Variants in DSCAM observed in about 807,000 individuals in gnomAD.
DSCAM encodes DS cell adhesion molecule.
In DSCAM, 47 loss-of-function variants were observed where a neutral mutation model predicts 217.7. The ratio of observed to expected loss-of-function variants is 0.22; its 90% CI spans 0.17 to 0.28. DSCAM has a LOEUF of 0.28. Ranked by LOEUF, DSCAM falls within the 10% of genes least tolerant of loss-of-function variation. DSCAM has a pLI of 1.00. For missense variants in DSCAM, 2,080 were observed against 2,618.3 expected, an observed-to-expected ratio of 0.79 and a Z score of 4.49; for synonymous variants, 1,056 against 1,015.3, an observed-to-expected ratio of 1.04 and a Z score of -0.76.
chr21:40,484,677 T>C (rs2076010183), intron 3 of DSCAM, among the ~76,000 whole-genome samples: 1 of 152,202 alleles, frequency 6.6e-6, no homozygotes, highest in Non-Finnish European at 1.5e-5. Context: ...GAAGCTGCTG[T>C]TCTTTCTCCA....
intron 11 of DSCAM, among the ~76,000 whole-genome samples, chr21:40,192,315 A>G (rs560941983): frequency 4.2e-4 from 64 of 152,156 alleles, no homozygotes; most frequent in African/African-American, 1.5e-3. Context: ...CGTCTCCCAT[A>G]GTGTCATGGG....
chr21:40,143,557 C>G (rs1204884196), intron 17 of DSCAM, among the ~76,000 whole-genome samples: 1 of 152,108 alleles, frequency 6.6e-6, no homozygotes, highest in Non-Finnish European at 1.5e-5. Context: ...TTTTGGAGGC[C>G]GAGGCGGGCA....
intron 3 of DSCAM, among the ~76,000 whole-genome samples, chr21:40,408,703 C>T (rs1490023034): frequency 6.6e-6 from 1 of 152,134 alleles, no homozygotes; most frequent in Admixed American, 6.5e-5. Context: ...TTCCCCGAGC[C>T]CACTCATTCC....
intron 1 of DSCAM, among the ~76,000 whole-genome samples, chr21:40,811,959 G>A (rs755560861): frequency 1.3e-5 from 2 of 152,130 alleles, no homozygotes. Flanking sequence ...AGGCATCCTT[G>A]CTTCAGCAAA....
At chr21:40,650,851 T>C (rs568637211) in intron 3 of DSCAM, among the ~76,000 whole-genome samples, 1 of 152,022 alleles carries the variant, frequency 6.6e-6, no homozygotes, top group East Asian at 1.9e-4. Flanking sequence ...GAGGCGGAGG[T>C]TGCAGAGAGC....
At chr21:40,275,415 G>C (rs1189716912) in intron 11 of DSCAM, among the ~76,000 whole-genome samples, 1 of 152,050 alleles carries the variant, frequency 6.6e-6, no homozygotes, top group African/African-American at 2.4e-5. Context: ...CCATAAATGG[G>C]CATAAGCCAT....
chr21:40,434,650 G>T (rs997547551), intron 3 of DSCAM, among the ~76,000 whole-genome samples: 3 of 152,166 alleles, frequency 2.0e-5, no homozygotes, highest in Admixed American at 1.3e-4. Context: ...TAATGCAGCA[G>T]CACCTCAATT....
At chr21:40,485,455 G>A (rs1457733624) in intron 3 of DSCAM, among the ~76,000 whole-genome samples, 1 of 151,256 alleles carries the variant, frequency 6.6e-6, no homozygotes, top group Non-Finnish European at 1.5e-5. Flanking sequence ...TGTTAGCCAG[G>A]ATGGTCTCCA....
intron 15 of DSCAM, among the ~76,000 whole-genome samples, chr21:40,172,334 G>A (rs148293994): frequency 1.3e-5 from 2 of 152,342 alleles, no homozygotes; most frequent in East Asian, 3.9e-4. Flanking sequence ...TCTTCGATCT[G>A]TAAAGCAGTA....
chr21:40,117,001 C>CAAAAAAAAAA (rs534100380), intron 20 of DSCAM, among the ~76,000 whole-genome samples: 28 of 33,178 alleles, frequency 8.4e-4, no homozygotes, highest in African/African-American at 2.9e-3. Context: ...GACTCTGTCT[C>CAAAAAAAAAA]AAAAAAAAAA....
intron 3 of DSCAM, among the ~76,000 whole-genome samples, chr21:40,482,418 G>A (rs1277720516): frequency 6.6e-6 from 1 of 152,080 alleles, no homozygotes; most frequent in Admixed American, 6.5e-5. Flanking sequence ...ATTTCACACT[G>A]TTCTTTGCTC....
Position 40,013,232 on chromosome 21 carries a change from C to G in DSCAM, c.5841G>C (p.Pro1947=). The part of the protein sequence containing the change: ...LKRPTVLEPI[P]MEAASSASST... ...AGGAGGCGGAGGAGGCGGCTTCCAT[C>G]GGGATGGGCTCCAGGACCGTGGGGC... Residue 1947 remains proline, a synonymous_variant, in exon 33 of 33, where the codon CCG becomes CCC. Transcript: ENST00000400454. 1 of 1,613,842 alleles carries G rather than the reference C, an allele frequency of 6.2e-7. No individual in the cohort carries two copies. The highest frequency in any genetic ancestry group is 8.5e-7 in the Non-Finnish European group (1 of 1,179,900).
At chr21:40,215,894 C>A (rs1380607087) in intron 11 of DSCAM, among the ~76,000 whole-genome samples, 1 of 150,040 alleles carries the variant, frequency 6.7e-6, no homozygotes, top group Non-Finnish European at 1.5e-5. Flanking sequence ...GCCATTTTGT[C>A]TACATTCTGT....
At chr21:40,617,360 G>A (rs1434521988) in intron 3 of DSCAM, among the ~76,000 whole-genome samples, 3 of 151,958 alleles carry the variant, frequency 2.0e-5, no homozygotes, top group East Asian at 3.9e-4. Context: ...TCCTGACCTC[G>A]TGATCCACCC....
chr21:40,331,056 C>T (rs1382424055), intron 8 of DSCAM, among the ~76,000 whole-genome samples: 1 of 152,136 alleles, frequency 6.6e-6, no homozygotes, highest in Non-Finnish European at 1.5e-5. Context: ...CATTGCTCCA[C>T]TTTAATGAGG....
At chr21:40,471,170 G>A (rs775260858) in intron 3 of DSCAM, among the ~76,000 whole-genome samples, 1 of 152,172 alleles carries the variant, frequency 6.6e-6, no homozygotes, top group Non-Finnish European at 1.5e-5. Flanking sequence ...GCAGTTAGCT[G>A]CAAATTATCT....
intron 18 of DSCAM, among the ~76,000 whole-genome samples, chr21:40,140,973 G>C (rs2837450): frequency 0.22 from 34,043 of 152,026 alleles, 4,540 homozygotes; most frequent in Non-Finnish European, 0.29. Flanking sequence ...ATGGCTGGTA[G>C]TGCTCCAGGT....
intron 18 of DSCAM, among the ~76,000 whole-genome samples, chr21:40,137,580 G>A (rs1209703657): frequency 1.4e-5 from 2 of 145,046 alleles, no homozygotes; most frequent in Non-Finnish European, 3.0e-5. Flanking sequence ...TCATGCCTCT[G>A]TAGGGCTGTT....
chr21:40,297,250 A>G (rs1215946635), intron 9 of DSCAM, among the ~76,000 whole-genome samples: 1 of 152,206 alleles, frequency 6.6e-6, no homozygotes, highest in African/African-American at 2.4e-5. Context: ...CACTTAAAAC[A>G]TATCTCCCCA....
Sources: allele counts gnomAD v4.1 joint callset (sites outside exome capture counted in the v4.1 genomes callset), GRCh38; gene constraint gnomAD v4.1.1; transcripts MANE v1.5; gene names NCBI Gene and HGNC (gene_info 2026-07-23, HGNC 2026-07-21).